The following ADAMTS12 variants were observed in gnomAD, a reference collection of about 807,000 sequenced individuals.
ADAMTS12 encodes A disintegrin and metalloproteinase with thrombospondin motifs 12.
A neutral mutation model predicts 167.8 loss-of-function variants in ADAMTS12; 118 were observed. That is an observed-to-expected ratio of 0.70 (90% CI 0.61 to 0.82). ADAMTS12 has a LOEUF of 0.82. ADAMTS12 is among the 40% of genes least tolerant of loss of function. The pLI, the probability that ADAMTS12 is intolerant of heterozygous loss-of-function variation, is 0.00. For missense variants in ADAMTS12, 1,916 were observed against 1,998.8 expected (o/e 0.96, Z 0.79); for synonymous variants, 704 against 716.9 (o/e 0.98, Z 0.29).
intron 3 of ADAMTS12, among the ~76,000 whole-genome samples, chr5:33,720,282 ACT>A (rs1491386014): frequency 2.6e-4 from 29 of 110,522 alleles, no homozygotes; most frequent in South Asian, 1.6e-3. Context: ...TCTCTCTCTC[ACT>A]CACACACACA....
At chr5:33,575,212 A>C (rs1746629859) in intron 19 of ADAMTS12, among the ~76,000 whole-genome samples, 3 of 152,226 alleles carry the variant, frequency 2.0e-5, no homozygotes, top group Non-Finnish European at 4.4e-5. Flanking sequence ...AAAAAAAATC[A>C]CTGATATGGC....
rs70964412 is a variant in ADAMTS12 at position 33,686,936 on chromosome 5, T to TATATATAG, written c.635-2882_635-2881insCTATATAT. 2.5e-3 allele frequency among the ~76,000 whole-genome samples: 369 copies of TATATATAG among 145,618 alleles called. 1 individual carries two copies. The highest frequency in any genetic ancestry group is 7.7e-3 in the African/African-American group (302 of 39,046). ...TATAGGCACTGAATATATATATATA[T>TATATATAG]AGAGAGAGAGAGAGAGAGAGCAAGA... On this transcript the variant is annotated intron_variant, in intron 3 of 23. Transcript: ENST00000504830.
chr5:33,607,765 T>C (rs1738520282), intron 16 of ADAMTS12, among the ~76,000 whole-genome samples: 1 of 152,212 alleles, frequency 6.6e-6, no homozygotes, highest in Non-Finnish European at 1.5e-5. Flanking sequence ...CCAGGAAAAC[T>C]CAGTTTTAAA....
chr5:33,843,211 C>CA (rs1366595231), intron 2 of ADAMTS12, among the ~76,000 whole-genome samples: 1 of 152,214 alleles, frequency 6.6e-6, no homozygotes, highest in African/African-American at 2.4e-5. Flanking sequence ...GTGAAGACAT[C>CA]TGCATAGGCA....
intron 2 of ADAMTS12, among the ~76,000 whole-genome samples, chr5:33,782,445 A>C (rs1746167968): frequency 6.6e-6 from 1 of 152,134 alleles, no homozygotes; most frequent in South Asian, 2.1e-4. Flanking sequence ...CAACATCAAT[A>C]ATGACATTAA....
intron 2 of ADAMTS12, among the ~76,000 whole-genome samples, chr5:33,855,669 TG>T (rs1308904449): frequency 9.1e-6 from 1 of 109,822 alleles, no homozygotes; most frequent in Non-Finnish European, 1.7e-5. Context: ...ATGGGAGAAA[TG>T]TTTTTTTTCT....
intron 2 of ADAMTS12, among the ~76,000 whole-genome samples, chr5:33,779,184 A>ATTT (rs58073487): frequency 6.6e-5 from 9 of 135,494 alleles, no homozygotes; most frequent in Non-Finnish European, 1.1e-4. Context: ...TGAAATTAGT[A>ATTT]TTTTTTTTTT....
intron 3 of ADAMTS12, among the ~76,000 whole-genome samples, chr5:33,710,687 G>A (rs377598390): frequency 2.0e-5 from 3 of 152,154 alleles, no homozygotes; most frequent in African/African-American, 4.8e-5. Context: ...TGGAAGACAC[G>A]AACAGACTGC....
chr5:33,837,794 C>T (rs540583681), intron 2 of ADAMTS12, among the ~76,000 whole-genome samples: 2 of 152,306 alleles, frequency 1.3e-5, no homozygotes, highest in South Asian at 4.2e-4. Context: ...CTTCTTACAC[C>T]AGAACACTGG....
intron 16 of ADAMTS12, among the ~76,000 whole-genome samples, chr5:33,609,599 C>A (rs538917299): frequency 6.6e-6 from 1 of 152,118 alleles, no homozygotes; most frequent in African/African-American, 2.4e-5. Flanking sequence ...ATCTCAAAAT[C>A]CTGGGCACAA....
intron 12 of ADAMTS12, among the ~76,000 whole-genome samples, chr5:33,632,730 G>T (rs1439366706): frequency 6.6e-6 from 1 of 152,002 alleles, no homozygotes; most frequent in African/African-American, 2.4e-5. Flanking sequence ...TGAATCCAAG[G>T]ATTATTTTAT....
intron 15 of ADAMTS12, among the ~76,000 whole-genome samples, chr5:33,615,357 T>C (rs577002712): frequency 6.6e-6 from 1 of 152,248 alleles, no homozygotes; most frequent in Non-Finnish European, 1.5e-5. Flanking sequence ...ACTCCTTTTC[T>C]ACAGTTCTGT....
intron 14 of ADAMTS12, among the ~76,000 whole-genome samples, chr5:33,618,500 T>G (rs1220697540): frequency 6.6e-6 from 1 of 152,228 alleles, no homozygotes; most frequent in Non-Finnish European, 1.5e-5. Flanking sequence ...CCATGTCATA[T>G]AAGAAATCAA....
chr5:33,668,608 G>A (rs966881839), intron 5 of ADAMTS12, among the ~76,000 whole-genome samples: 5 of 152,074 alleles, frequency 3.3e-5, no homozygotes, highest in Non-Finnish European at 7.4e-5. Context: ...TCAGCTTCCT[G>A]AGTAGCTGGG....
intron 20 of ADAMTS12, among the ~76,000 whole-genome samples, chr5:33,551,151 T>C (rs1193841201): frequency 1.3e-5 from 2 of 152,172 alleles, no homozygotes. Context: ...AGGGCTGTGG[T>C]TGAGGAAAGA....
chr5:33,685,056 C>G (rs1742274752), intron 3 of ADAMTS12, among the ~76,000 whole-genome samples: 1 of 152,180 alleles, frequency 6.6e-6, no homozygotes, highest in South Asian at 2.1e-4. Context: ...AAGAAAGAAG[C>G]CTGGGCTGAT....
chr5:33,870,644 G>A (rs974504982), intron 2 of ADAMTS12, among the ~76,000 whole-genome samples: 2 of 152,158 alleles, frequency 1.3e-5, no homozygotes, highest in Admixed American at 6.6e-5. Flanking sequence ...GATATGGTTT[G>A]GATTTGTGTC....
intron 2 of ADAMTS12, among the ~76,000 whole-genome samples, chr5:33,763,454 C>G (rs1170909837): frequency 6.6e-6 from 1 of 152,142 alleles, no homozygotes; most frequent in Admixed American, 6.5e-5. Context: ...GGAAGGTAGC[C>G]ATGGCAACAT....
intron 5 of ADAMTS12, among the ~76,000 whole-genome samples, chr5:33,663,080 G>A (rs1371576376): frequency 6.6e-6 from 1 of 152,218 alleles, no homozygotes; most frequent in African/African-American, 2.4e-5. Context: ...GCATTTTTAG[G>A]TCTCCTCGTC....
Sources: allele counts gnomAD v4.1 joint callset (sites outside exome capture counted in the v4.1 genomes callset), GRCh38; gene constraint gnomAD v4.1.1; transcripts MANE v1.5; gene names NCBI Gene and HGNC (gene_info 2026-07-23, HGNC 2026-07-21).